FAM13A: variants seen among roughly 807,000 people sequenced by gnomAD.
FAM13A encodes the protein protein FAM13A.
A neutral mutation model predicts 129.6 loss-of-function variants in FAM13A; 76 were observed. That is an observed-to-expected ratio of 0.59 (90% CI 0.49 to 0.71). The LOEUF is 0.71. Ranked by LOEUF, FAM13A falls within the 30% of genes least tolerant of loss-of-function variation. The probability of loss-of-function intolerance (pLI) is 0.00; values close to 1 mark genes in which losing one functional copy is unlikely to be tolerated. For missense variants in FAM13A, 1,108 were observed against 1,249.3 expected (o/e 0.89, Z 1.70); for synonymous variants, 443 against 449.9 (o/e 0.98, Z 0.20).
At chr4:88,758,513 C>T (rs1744159476) in intron 14 of FAM13A, among the ~76,000 whole-genome samples, 1 of 151,968 alleles carries the variant, frequency 6.6e-6, no homozygotes, top group South Asian at 2.1e-4. Context: ...AAAAGGCCTG[C>T]AAGGTGACAC....
intron 6 of FAM13A, among the ~76,000 whole-genome samples, chr4:88,868,490 T>A (rs959020125): frequency 2.0e-5 from 3 of 152,160 alleles, no homozygotes; most frequent in African/African-American, 7.2e-5. Flanking sequence ...TCCTAACTAG[T>A]CTCCCTTTCA....
chr4:88,782,001 TAAA>T (rs11353645), intron 10 of FAM13A, among the ~76,000 whole-genome samples: 1 of 150,428 alleles, frequency 6.6e-6, no homozygotes, highest in African/African-American at 2.4e-5. Context: ...GATAATAAAA[TAAA>T]AAAAATTAAA....
At chr4:88,951,504 T>G (rs993281648) in intron 4 of FAM13A, among the ~76,000 whole-genome samples, 1 of 152,212 alleles carries the variant, frequency 6.6e-6, no homozygotes, top group Non-Finnish European at 1.5e-5. Flanking sequence ...AGATTACTTA[T>G]AAATTTTATG....
intron 2 of FAM13A, among the ~76,000 whole-genome samples, chr4:89,028,345 A>T (rs904933799): frequency 1.3e-5 from 2 of 151,524 alleles, no homozygotes; most frequent in Non-Finnish European, 2.9e-5. Context: ...GGCGGGGGGG[A>T]TTACTGTACA....
At chr4:88,885,657 T>C (rs1450948058) in intron 6 of FAM13A, among the ~76,000 whole-genome samples, 1 of 152,068 alleles carries the variant, frequency 6.6e-6, no homozygotes, top group Non-Finnish European at 1.5e-5. Flanking sequence ...GATAAATAGA[T>C]GGGACCTAAT....
chr4:89,022,922 AG>A (rs767415562), intron 2 of FAM13A, among the ~76,000 whole-genome samples: 8 of 152,170 alleles, frequency 5.3e-5, no homozygotes, highest in Non-Finnish European at 1.2e-4. Flanking sequence ...TGAGCTTGGG[AG>A]GGAATTTTTC....
At chr4:88,834,308 A>T (rs1210566483) in intron 7 of FAM13A, among the ~76,000 whole-genome samples, 1 of 151,858 alleles carries the variant, frequency 6.6e-6, no homozygotes, top group Non-Finnish European at 1.5e-5. Context: ...TCATGTATAG[A>T]GCATTATTAG....
chr4:88,915,252 T>C (rs1254279570), intron 5 of FAM13A, among the ~76,000 whole-genome samples: 2 of 152,326 alleles, frequency 1.3e-5, no homozygotes, highest in East Asian at 3.9e-4. Context: ...GAATCTCAAT[T>C]TGATTGACAG....
chr4:89,028,881 A>C (rs989251382), intron 2 of FAM13A, among the ~76,000 whole-genome samples: 67 of 152,300 alleles, frequency 4.4e-4, no homozygotes, highest in Middle Eastern at 3.4e-3. Flanking sequence ...ACAGCTCTCA[A>C]TAACTAAATG....
In FAM13A at chr4:88,861,380, C is replaced by CA. The variant is rs373411738; in HGVS notation, c.844-10198dup. On this transcript the variant is annotated intron_variant, in intron 6 of 23. Transcript: ENST00000264344. ...TGGGCAACAGAGCAAGACTCCGTCT[C>CA]AAAAAAAAAAAAAAAAAAACTAAAC... Among the ~76,000 whole-genome samples, 734 of 83,368 alleles carry CA rather than the reference C, an allele frequency of 8.8e-3. 6 individuals are homozygous for CA. Among genetic ancestry groups the CA allele is most frequent in the Middle Eastern group, 0.026 (4 of 152 alleles). The allele number at this position is 83,368 out of a possible 152,430, so 54.7% of individuals were successfully genotyped here. A position where few individuals can be genotyped will look rare whatever the true frequency, so the allele number is the denominator to read the frequency against.
intron 1 of FAM13A, among the ~76,000 whole-genome samples, chr4:89,036,197 T>C (rs1227655501): frequency 1.3e-5 from 2 of 152,216 alleles, no homozygotes; most frequent in Admixed American, 1.3e-4. Context: ...GATAGTGATG[T>C]GGACAATGAA....
At chr4:88,996,112 A>C (rs1056947114) in intron 3 of FAM13A, among the ~76,000 whole-genome samples, 3 of 152,170 alleles carry the variant, frequency 2.0e-5, no homozygotes, top group African/African-American at 7.2e-5. Flanking sequence ...GCTGGGGCCA[A>C]GTGGTGGTGG....
chr4:88,749,103 A>C, intron 16 of FAM13A, 70 bp from the exon 17 acceptor site: 2 of 1,175,590 alleles, frequency 1.7e-6, no homozygotes, highest in Non-Finnish European at 2.5e-6. Flanking sequence ...TTTGATGATC[A>C]TTTTTGTTTT....
chr4:89,021,038 T>C (rs1767192149), intron 2 of FAM13A, among the ~76,000 whole-genome samples: 1 of 152,240 alleles, frequency 6.6e-6, no homozygotes, highest in South Asian at 2.1e-4. Context: ...CATGAACAAC[T>C]ACTTTTTAAA....
intron 5 of FAM13A, among the ~76,000 whole-genome samples, chr4:88,928,529 T>C (rs1300243642): frequency 6.6e-6 from 1 of 152,190 alleles, no homozygotes; most frequent in East Asian, 1.9e-4. Flanking sequence ...CTTGCTGAAT[T>C]GATCCCTTTA....
chr4:88,898,688 T>C (rs1746752894), intron 6 of FAM13A, among the ~76,000 whole-genome samples: 1 of 151,886 alleles, frequency 6.6e-6, no homozygotes, highest in Non-Finnish European at 1.5e-5. Flanking sequence ...TTCAAAAAAG[T>C]TGGGAGAATA....
intron 4 of FAM13A, among the ~76,000 whole-genome samples, chr4:88,955,302 A>G (rs1757573181): frequency 6.6e-6 from 1 of 151,410 alleles, no homozygotes; most frequent in Non-Finnish European, 1.5e-5. Flanking sequence ...ATTAACCTCA[A>G]ATTAAATTCA....
intron 6 of FAM13A, among the ~76,000 whole-genome samples, chr4:88,892,893 T>C (rs1333178447): frequency 4.0e-5 from 6 of 149,138 alleles, no homozygotes; most frequent in Non-Finnish European, 9.1e-5. Context: ...TATTTGATCA[T>C]ATTAAAAAAA....
At chr4:88,980,532 C>G (rs1033121616) in intron 4 of FAM13A, among the ~76,000 whole-genome samples, 4 of 152,090 alleles carry the variant, frequency 2.6e-5, no homozygotes, top group Non-Finnish European at 5.9e-5. Context: ...GCCAAACTTT[C>G]CAATCACCCA....
Sources: allele counts gnomAD v4.1 joint callset (sites outside exome capture counted in the v4.1 genomes callset), GRCh38; gene constraint gnomAD v4.1.1; transcripts MANE v1.5; gene names NCBI Gene and HGNC (gene_info 2026-07-23, HGNC 2026-07-21).